PDE4B: variants seen among roughly 807,000 people sequenced by gnomAD.
The protein encoded by PDE4B is 3',5'-cyclic-AMP phosphodiesterase 4B.
PDE4B carries 20 observed loss-of-function variants against 82.2 expected under a neutral mutation model. The ratio of observed to expected loss-of-function variants is 0.24; its 90% confidence interval spans 0.17 to 0.35. The LOEUF (loss-of-function observed/expected upper bound fraction) is 0.35. Ranked by LOEUF, PDE4B falls within the 10% of genes least tolerant of loss-of-function variation. The probability of loss-of-function intolerance (pLI) is 1.00; values close to 1 mark genes in which losing one functional copy is unlikely to be tolerated. For synonymous variants in PDE4B, 320 were observed against 318.9 expected (o/e 1.00, Z -0.04); for missense variants, 655 against 907.2 (o/e 0.72, Z 3.57).
At chr1:65,794,678 A>G (rs965936083) in intron 1 of PDE4B, among the ~76,000 whole-genome samples, 7 of 152,144 alleles carry the variant, frequency 4.6e-5, no homozygotes, top group Non-Finnish European at 7.4e-5. Flanking sequence ...CTTGACTGTA[A>G]TATGTTTGCT....
chr1:65,801,098 G>T (rs562446307), intron 1 of PDE4B, among the ~76,000 whole-genome samples: 1 of 152,250 alleles, frequency 6.6e-6, no homozygotes, highest in Non-Finnish European at 1.5e-5. Context: ...CTCGAACAAA[G>T]CTTCTTAAAA....
chr1:66,209,583 G>A (rs962385093), intron 3 of PDE4B, among the ~76,000 whole-genome samples: 7 of 152,132 alleles, frequency 4.6e-5, no homozygotes. Flanking sequence ...TGATACATTT[G>A]GTAAGATTTG....
chr1:66,183,570 A>C (rs1295668502), intron 3 of PDE4B, among the ~76,000 whole-genome samples: 1 of 152,202 alleles, frequency 6.6e-6, no homozygotes, highest in Non-Finnish European at 1.5e-5. Context: ...GTTGAAAAAT[A>C]CCTGAATCTG....
At chr1:66,131,548 T>C (rs1230254186) in intron 3 of PDE4B, among the ~76,000 whole-genome samples, 2 of 128,868 alleles carry the variant, frequency 1.6e-5, no homozygotes, top group African/African-American at 5.6e-5. Context: ...AATCAGATAA[T>C]GCTAATATTA....
At chr1:66,146,906 G>A (rs1048526068) in intron 3 of PDE4B, among the ~76,000 whole-genome samples, 2 of 152,050 alleles carry the variant, frequency 1.3e-5, no homozygotes, top group African/African-American at 2.4e-5. Flanking sequence ...AAAATGATGG[G>A]TAAACACAAA....
At chr1:65,953,405 T>C (rs1218501917) in intron 3 of PDE4B, among the ~76,000 whole-genome samples, 3 of 152,068 alleles carry the variant, frequency 2.0e-5, no homozygotes, top group Admixed American at 6.6e-5. Flanking sequence ...GATGGGGTGG[T>C]GATCCTAGAT....
intron 3 of PDE4B, among the ~76,000 whole-genome samples, chr1:66,068,829 G>GATCAAATCAATTCCT (rs1656003635): frequency 6.6e-6 from 1 of 151,844 alleles, no homozygotes; most frequent in Non-Finnish European, 1.5e-5. Context: ...TTCCTTAATT[G>GATCAAATCAATTCCT]TACAACTACA....
rs557320202 is a variant in PDE4B at position 66,371,094 on chromosome 1, C to CTATATATATATATATA, written c.1846-1194_1846-1179dup. Among the ~76,000 whole-genome samples, 28 of 74,836 alleles carry CTATATATATATATATA rather than the reference C, an allele frequency of 3.7e-4. No individual in the cohort carries two copies. The East Asian group carries it at 3.9e-3, about 11-fold the overall frequency. The allele number at this position is 74,836 out of a possible 152,430, so 49.1% of individuals were successfully genotyped here. ...TATATATATATACACACACATCATACTATATATATATATATATATATATAT... is the reference window on the plus strand; with the variant it reads ...TATATATATATACACACACATCATACTATATATATATATATATATATATATATATATATATATATAT... On this transcript the variant is annotated intron_variant, in intron 16 of 16. Coordinates refer to ENST00000341517, the MANE Select transcript of PDE4B (RefSeq NM_002600.4).
At chr1:66,138,708 G>C (rs1250937027) in intron 3 of PDE4B, among the ~76,000 whole-genome samples, 1 of 152,178 alleles carries the variant, frequency 6.6e-6, no homozygotes, top group African/African-American at 2.4e-5. Context: ...TGATCAAAGA[G>C]AAATAGTCCA....
At chr1:66,098,386 G>A (rs1428179207) in intron 3 of PDE4B, among the ~76,000 whole-genome samples, 2 of 152,210 alleles carry the variant, frequency 1.3e-5, no homozygotes, top group East Asian at 1.9e-4. Flanking sequence ...TACACTGGAC[G>A]TTCATTGAAC....
At chr1:65,941,891 A>C (rs1288778969) in intron 3 of PDE4B, among the ~76,000 whole-genome samples, 3 of 151,774 alleles carry the variant, frequency 2.0e-5, no homozygotes, top group Admixed American at 1.3e-4. Flanking sequence ...ACATTGCCTC[A>C]ATCCACAATC....
At chr1:66,200,376 T>A (rs1477378596) in intron 3 of PDE4B, among the ~76,000 whole-genome samples, 2 of 152,334 alleles carry the variant, frequency 1.3e-5, no homozygotes, top group Non-Finnish European at 1.5e-5. Flanking sequence ...TTTCCAATTC[T>A]GTGAAGAAAG....
intron 3 of PDE4B, among the ~76,000 whole-genome samples, chr1:66,215,015 A>G (rs958049803): frequency 2.0e-5 from 3 of 151,946 alleles, no homozygotes; most frequent in African/African-American, 7.2e-5. Context: ...TGAGAGAAAA[A>G]AGTCTAGACT....
intron 3 of PDE4B, among the ~76,000 whole-genome samples, chr1:66,170,039 A>G (rs1175910958): frequency 2.0e-5 from 3 of 152,316 alleles, no homozygotes; most frequent in Middle Eastern, 3.4e-3. Flanking sequence ...AAATAAAAGG[A>G]CAAAGAGTTA....
chr1:66,134,419 G>A (rs1487461504), intron 3 of PDE4B, among the ~76,000 whole-genome samples: 1 of 152,104 alleles, frequency 6.6e-6, no homozygotes, highest in African/African-American at 2.4e-5. Context: ...TACAGTATTT[G>A]ATTCTTCTCT....
chr1:66,097,279 A>G (rs1645136585), intron 3 of PDE4B, among the ~76,000 whole-genome samples: 1 of 152,044 alleles, frequency 6.6e-6, no homozygotes, highest in African/African-American at 2.4e-5. Context: ...CAGTCTTATT[A>G]AATTTTAGCC....
chr1:66,120,724 C>G (rs1018985268), intron 3 of PDE4B, among the ~76,000 whole-genome samples: 2 of 152,140 alleles, frequency 1.3e-5, no homozygotes, highest in Non-Finnish European at 2.9e-5. Context: ...AGTCTGCACT[C>G]TCTATTTTGC....
At chr1:65,967,510 A>G (rs539652027) in intron 3 of PDE4B, among the ~76,000 whole-genome samples, 56 of 151,980 alleles carry the variant, frequency 3.7e-4, no homozygotes, top group South Asian at 1.0e-3. Flanking sequence ...TAGAAATACC[A>G]TCTGAACCAG....
At chr1:66,117,265 AG>A (rs747928437) in intron 3 of PDE4B, among the ~76,000 whole-genome samples, 96 of 151,824 alleles carry the variant, frequency 6.3e-4, no homozygotes, top group African/African-American at 2.0e-3. Flanking sequence ...AGAAAAAAAA[AG>A]TTGATGATCT....
Sources: gnomAD v4.1 joint callset for allele counts (sites outside exome capture counted in the v4.1 genomes callset) on GRCh38, gnomAD v4.1.1 for gene constraint, MANE v1.5 for transcripts, NCBI Gene and HGNC (gene_info 2026-07-23, HGNC 2026-07-21) for gene names.